PHACTR1: variants seen among roughly 807,000 people sequenced by gnomAD.
PHACTR1 encodes phosphatase and actin regulator 1.
In PHACTR1, 16 loss-of-function variants were observed where a neutral mutation model predicts 69.2. That is an observed-to-expected ratio of 0.23 (90% confidence interval 0.16 to 0.35). The LOEUF is 0.35. Ranked by LOEUF, PHACTR1 falls within the 10% of genes least tolerant of loss-of-function variation. The probability of loss-of-function intolerance (pLI) is 1.00; values close to 1 mark genes in which losing one functional copy is unlikely to be tolerated. For missense variants in PHACTR1, 510 were observed against 734.7 expected (o/e 0.69, Z 3.54); for synonymous variants, 312 against 284.5 (o/e 1.10, Z -0.97).
intron 10 of PHACTR1, among the ~76,000 whole-genome samples, chr6:13,258,342 G>C (rs931029401): frequency 6.3e-5 from 9 of 143,440 alleles, no homozygotes; most frequent in African/African-American, 2.0e-4. Flanking sequence ...GCGACAGAGA[G>C]AGACACCGTC....
chr6:12,896,231 C>A (rs902126913), intron 4 of PHACTR1, among the ~76,000 whole-genome samples: 7 of 152,192 alleles, frequency 4.6e-5, no homozygotes, highest in Non-Finnish European at 7.3e-5. Context: ...ACAGTAAACC[C>A]ATGAGCAGGC....
rs1383931837 is a variant in PHACTR1, at chr6:13,019,068, A to ATTT, written c.251-34296_251-34295insTTT. ...TTACAGTTGAAATATATATATATAT[A>ATTT]TATATATTTTTTCTTTTTCTTTTTG... On this transcript the variant is annotated intron_variant, in intron 4 of 14. Coordinates refer to ENST00000332995, the MANE Select transcript of PHACTR1 (RefSeq NM_030948.6). Among the ~76,000 whole-genome samples the ATTT allele has an allele frequency of 3.4e-3, 472 of 137,706 alleles. 3 individuals are homozygous for ATTT. The highest frequency in any genetic ancestry group is 9.6e-3 in the South Asian group (41 of 4,280). 90.3% of individuals were successfully genotyped at this position (137,706 alleles called of 152,430 possible).
intron 4 of PHACTR1, among the ~76,000 whole-genome samples, chr6:13,000,660 G>GAA (rs1202251999): frequency 3.1e-5 from 4 of 128,416 alleles, no homozygotes; most frequent in African/African-American, 9.4e-5. Flanking sequence ...AGGGAGGAAG[G>GAA]GGAAGGAAGG....
chr6:13,014,184 G>T (rs1162495951), intron 4 of PHACTR1, among the ~76,000 whole-genome samples: 1 of 152,066 alleles, frequency 6.6e-6, no homozygotes. Context: ...AGCGCGGGAG[G>T]CGGGGAGGTG....
chr6:12,960,592 C>T (rs1430023082), intron 4 of PHACTR1, among the ~76,000 whole-genome samples: 1 of 152,228 alleles, frequency 6.6e-6, no homozygotes, highest in Non-Finnish European at 1.5e-5. Flanking sequence ...AGCGACCCCA[C>T]ACCAGGGAGG....
chr6:13,149,037 G>A (rs906806713), intron 5 of PHACTR1, among the ~76,000 whole-genome samples: 3 of 152,130 alleles, frequency 2.0e-5, no homozygotes, highest in African/African-American at 4.8e-5. Flanking sequence ...TAGGGTTTTC[G>A]GTTGTGTTTG....
intron 7 of PHACTR1, among the ~76,000 whole-genome samples, chr6:13,183,825 C>A (rs1007329148): frequency 2.0e-5 from 3 of 152,176 alleles, no homozygotes; most frequent in Admixed American, 1.3e-4. Context: ...TAGTAAAAAT[C>A]TGTCATTCCA....
intron 4 of PHACTR1, among the ~76,000 whole-genome samples, chr6:13,019,953 G>A (rs1800730091): frequency 6.6e-6 from 1 of 152,192 alleles, no homozygotes; most frequent in South Asian, 2.1e-4. Context: ...CCAGTTAGGA[G>A]CCACCATTGA....
chr6:13,286,788 G>C (rs1287976394), intron 14 of PHACTR1, among the ~76,000 whole-genome samples: 1 of 152,238 alleles, frequency 6.6e-6, no homozygotes, highest in Non-Finnish European at 1.5e-5. Flanking sequence ...ATAGGATATA[G>C]CAAGTATTTA....
intron 10 of PHACTR1, chr6:13,266,770 T>C (rs1445078737): frequency 1.3e-5 from 2 of 152,258 alleles, no homozygotes; most frequent in East Asian, 3.8e-4. Context: ...CAGCACCAAG[T>C]GGTTGGTACT....
intron 6 of PHACTR1, among the ~76,000 whole-genome samples, chr6:13,167,970 G>A (rs750066866): frequency 6.6e-6 from 1 of 152,116 alleles, no homozygotes; most frequent in Non-Finnish European, 1.5e-5. Context: ...ATGTAGACTC[G>A]AGCCTTCTTA....
At chr6:12,987,929 G>A (rs1378442238) in intron 4 of PHACTR1, among the ~76,000 whole-genome samples, 1 of 152,182 alleles carries the variant, frequency 6.6e-6, no homozygotes, top group African/African-American at 2.4e-5. Flanking sequence ...CATGGATGTT[G>A]TGAATTTTCC....
chr6:13,263,022 ATTAGC>A (rs1297095334), intron 10 of PHACTR1, among the ~76,000 whole-genome samples: 1 of 152,220 alleles, frequency 6.6e-6, no homozygotes, highest in African/African-American at 2.4e-5. Context: ...CAGAAAGCCC[ATTAGC>A]TCTGTGCAGC....
intron 1 of PHACTR1, 115 bp from the exon 2 acceptor site, chr6:12,717,394 T>C (rs1262517399): frequency 1.3e-5 from 2 of 152,124 alleles, no homozygotes; most frequent in African/African-American, 4.8e-5. Context: ...CTATGGCACT[T>C]CTCTGCCTAA....
intron 6 of PHACTR1, among the ~76,000 whole-genome samples, chr6:13,178,066 A>G (rs1373577467): frequency 1.3e-5 from 2 of 152,230 alleles, no homozygotes; most frequent in African/African-American, 4.8e-5. Flanking sequence ...CCAGCTCTAT[A>G]TCTTAGATCC....
chr6:12,745,015 T>A (rs539660560), intron 3 of PHACTR1, among the ~76,000 whole-genome samples: 45 of 152,314 alleles, frequency 3.0e-4, no homozygotes, highest in Middle Eastern at 6.8e-3. Context: ...CAAATTCTGA[T>A]TCAGTAGGTT....
intron 4 of PHACTR1, among the ~76,000 whole-genome samples, chr6:13,018,885 A>G (rs1438148260): frequency 6.6e-6 from 1 of 151,794 alleles, no homozygotes; most frequent in Admixed American, 6.6e-5. Context: ...TTATTTATTT[A>G]CTTATTTATT....
intron 5 of PHACTR1, among the ~76,000 whole-genome samples, chr6:13,152,406 G>C (rs1398101816): frequency 6.6e-6 from 1 of 152,210 alleles, no homozygotes; most frequent in African/African-American, 2.4e-5. Context: ...TATGGAAAGG[G>C]AGACTGGGAA....
intron 4 of PHACTR1, among the ~76,000 whole-genome samples, chr6:13,000,835 A>T (rs932535829): frequency 7.2e-5 from 11 of 152,206 alleles, no homozygotes; most frequent in African/African-American, 2.7e-4. Flanking sequence ...TCCTCTTCCA[A>T]CAAGGTTATT....
Sources: gnomAD v4.1 joint callset for allele counts (sites outside exome capture counted in the v4.1 genomes callset) on GRCh38, gnomAD v4.1.1 for gene constraint, MANE v1.5 for transcripts, NCBI Gene and HGNC (gene_info 2026-07-23, HGNC 2026-07-21) for gene names.